Variants in TAGAP observed in about 807,000 individuals in gnomAD.
The protein encoded by TAGAP is T-cell activation Rho GTPase-activating protein.
In TAGAP, 16 loss-of-function variants were observed where a neutral mutation model predicts 36.0. The ratio of observed to expected loss-of-function variants is 0.44; its 90% CI spans 0.30 to 0.68. The LOEUF (loss-of-function observed/expected upper bound fraction) is 0.68. Ranked by LOEUF, TAGAP falls within the 30% of genes least tolerant of loss-of-function variation. TAGAP has a pLI of 0.09. For missense variants in TAGAP, 794 were observed against 921.5 expected (o/e 0.86, Z 1.79); for synonymous variants, 372 against 377.4 (o/e 0.99, Z 0.17).
intron 8 of TAGAP, 36 bp from the exon 9 acceptor site, chr6:159,038,264 A>C: frequency 1.2e-6 from 1 of 825,312 alleles, no homozygotes; most frequent in Admixed American, 2.8e-5. Context: ...CAGCTTGAAG[A>C]CTTTTTTTTT....
rs1453034134 is a variant in TAGAP at position 159,043,987 on chromosome 6, A to G, written c.72T>C (p.Cys24=). The change falls in exon 3 of 10, where the codon TGT becomes TGC. Residue 24 remains cysteine, a synonymous_variant. Transcript: ENST00000367066. ...NANNMETLIE[C]QSEGDIKEHP... ...AAAATTGCTTTCTTACCTCTGATTG[A>G]CATTCGATTAGTGTCTCCATATTAT... is the stretch of plus-strand genomic sequence containing the variant. 4 of 1,613,502 alleles carry G rather than the reference A, an allele frequency of 2.5e-6. No homozygotes were observed. The highest frequency in any genetic ancestry group is 1.3e-5 in the African/African-American group (1 of 74,888).
At chr6:159,043,722 A>G (rs1278729220) in intron 3 of TAGAP, 67 bp from the exon 4 acceptor site, 7 of 1,429,370 alleles carry the variant, frequency 4.9e-6, no homozygotes, top group Non-Finnish European at 6.9e-6. Flanking sequence ...TCCCCACAAA[A>G]CACACATACA....
chr6:159,036,620 G>A lies in TAGAP; in HGVS notation c.1403C>T (p.Ser468Phe), dbSNP rs1175358393. Residue 468 changes from serine to phenylalanine, a missense_variant, in exon 10 of 10, where the codon TCC (serine) becomes TTC (phenylalanine). Physicochemically the swap from Ser to Phe is radical, Grantham distance 155. Transcript: ENST00000367066. The surrounding 1 kb of genome is among the most constrained non-coding windows in gnomAD (Gnocchi z 4.9). The part of the protein sequence containing the change: ...KAFSSSSLDA[S>F]SDSSPVASPS... ...AGAAGCCACGGGCGAGCTGTCAGAG[G>A]ACGCGTCCAGCGAGCTGCTGGAGAA... 6.2e-7 allele frequency: 1 copy of A among 1,614,156 alleles called. No individual in the cohort carries two copies. Among genetic ancestry groups the A allele is most frequent in the Non-Finnish European group, 8.5e-7 (1 of 1,179,986 alleles).
chr6:159,036,382 G>A lies in TAGAP; in HGVS notation c.1641C>T (p.Ser547=). ...CCTGCACGATTCGGCCGGCAAGCTG[G>A]CTTTCCTTTCTGACACCCCTCGGGA... ...DHVPRGVRKE[S]QLAGRIVQEN... The change falls in exon 10 of 10, where the codon AGC becomes AGT. Residue 547 remains serine, a synonymous_variant. Transcript: ENST00000367066. This position sits in a 1 kb window ranked among gnomAD's most constrained non-coding sequence, Gnocchi z 4.9. The A allele has an allele frequency of 6.2e-7, 1 of 1,614,126 alleles. No homozygotes were observed. The highest frequency in any genetic ancestry group is 8.5e-7 in the Non-Finnish European group (1 of 1,180,036).
chr6:159,038,000 T>A lies in TAGAP; in HGVS notation c.898+114A>T, dbSNP rs1487873998. 2 of 700,310 alleles carry A rather than the reference T, an allele frequency of 2.9e-6. No homozygotes were observed. Among genetic ancestry groups the A allele is most frequent in the Non-Finnish European group, 5.0e-6 (2 of 397,344 alleles). The allele number at this position is 700,310 out of a possible 1,614,324, so 43.4% of individuals were successfully genotyped here. On this transcript the variant is annotated intron_variant, in intron 9 of 9. Coordinates refer to ENST00000367066, the MANE Select transcript of TAGAP (RefSeq NM_054114.5). This position sits in a 1 kb window ranked among gnomAD's most constrained non-coding sequence, Gnocchi z 5.1. ...CTAATGGACTGGAGTCTAGTCTGAC[T>A]CGGTGATTTGTGAAGGTAACTTCTG...
chr6:159,041,480 T>A lies in TAGAP; in HGVS notation c.351A>T (p.Ser117=), dbSNP rs1440687266. 3.1e-6 allele frequency: 5 copies of A among 1,614,184 alleles called. No homozygotes were observed. The highest frequency in any genetic ancestry group is 4.2e-6 in the Non-Finnish European group (5 of 1,180,028). ...CTGCTCTCCTGAATATCCCTTCCGTTGAAGGGCCTTTAAGGCATAGAATAG... is the reference window on the plus strand; with the variant it reads ...CTGCTCTCCTGAATATCCCTTCCGTAGAAGGGCCTTTAAGGCATAGAATAG... ...ILTILCLKGP[S]TEGIFRRAAN... is the part of the protein sequence containing the mutation. Residue 117 remains serine, a synonymous_variant, in exon 6 of 10, where the codon TCA becomes TCT. Transcript: ENST00000367066. The surrounding 1 kb of genome is among the most constrained non-coding windows in gnomAD (Gnocchi z 4.1).
chr6:159,039,260 C>A lies in TAGAP; in HGVS notation c.637G>T (p.Val213Phe). 6.2e-7 allele frequency: 1 copy of A among 1,613,978 alleles called. No homozygotes were observed. The highest frequency in any genetic ancestry group is 1.3e-5 in the African/African-American group (1 of 75,018). ...RPNLLLLKHLVYVLHLISKNS... is the reference protein window; with the variant it reads ...RPNLLLLKHLFYVLHLISKNS... ...TTGCTGATGAGGTGCAGCACATAGA[C>A]CAAGTGCTTGAGTAGCAGGAGGTTG... is the stretch of plus-strand genomic sequence containing the variant. Residue 213 changes from valine (V) to phenylalanine (F), a missense_variant, in exon 8 of 10, where the codon GTC becomes TTC. Val to Phe is a conservative substitution (Grantham distance 50). Transcript: ENST00000367066.
At position 159,041,426 on chromosome 6, in the gene TAGAP, C is replaced by T; in HGVS notation, c.405G>A (p.Lys135=). 1 of 1,614,194 alleles carries T rather than the reference C, an allele frequency of 6.2e-7. No individual in the cohort carries two copies. The highest frequency in any genetic ancestry group is 8.5e-7 in the Non-Finnish European group (1 of 1,180,030). The change falls in exon 6 of 10, where the codon AAG becomes AAA. Residue 135 remains lysine, a synonymous_variant. Coordinates refer to ENST00000367066, the MANE Select transcript of TAGAP (RefSeq NM_054114.5). This position sits in a 1 kb window ranked among gnomAD's most constrained non-coding sequence, Gnocchi z 4.1. ...AANEKARKEL[K]EELNSGDAVD... ...CCGCATCCCCAGAGTTGAGCTCCTC[C>T]TTCAGCTCCTTACGGGCTTTCTCGT...
In TAGAP at chr6:159,041,089, CG is replaced by C; in HGVS notation, c.478-258del. On this transcript the variant is annotated intron_variant, in intron 6 of 9. Coordinates refer to ENST00000367066, the MANE Select transcript of TAGAP (RefSeq NM_054114.5). The surrounding 1 kb of genome is among the most constrained non-coding windows in gnomAD (Gnocchi z 4.1). ...GTTCTGAGGGGCCACTGGATTTTGACGTATGGATTCTGCCACGGAACAATCA... is the reference window on the plus strand; with the variant it reads ...GTTCTGAGGGGCCACTGGATTTTGACTATGGATTCTGCCACGGAACAATCA... 1.7e-6 allele frequency: 1 copy of C among 584,754 alleles called. No homozygotes were observed. Among genetic ancestry groups the C allele is most frequent in the Non-Finnish European group, 3.0e-6 (1 of 335,580 alleles). The allele number at this position is 584,754 out of a possible 1,614,324, so 36.2% of individuals were successfully genotyped here.
rs769704785 is a variant in TAGAP, at chr6:159,036,991, G to A, written c.1032C>T (p.Ser344=). Residue 344 remains serine, a synonymous_variant, in exon 10 of 10, where the codon AGC becomes AGT. Coordinates refer to ENST00000367066, the MANE Select transcript of TAGAP (RefSeq NM_054114.5). The surrounding 1 kb of genome is among the most constrained non-coding windows in gnomAD (Gnocchi z 4.9). ...CCTCTCGGGCATCCTGTGGGCCCGCGCTATCCAAGCCAGCAGCTGTGGCCA... is the reference window on the plus strand; with the variant it reads ...CCTCTCGGGCATCCTGTGGGCCCGCACTATCCAAGCCAGCAGCTGTGGCCA... ...VPMATAAGLD[S]AGPQDAREVS... is the part of the protein sequence containing the mutation. The A allele has an allele frequency of 8.9e-5, 143 of 1,613,710 alleles. No homozygotes were observed. In the Admixed American group the frequency reaches 2.1e-3, roughly 23 times the overall value.
At position 159,036,037 on chromosome 6, in the gene TAGAP, G is replaced by T. The variant is rs2114780863; in HGVS notation, c.1986C>A (p.Pro662=). Reference sequence around the variant, plus strand: ...TGCTCTGTTTCCATCGCTCAGGCAGGGGAGAGAGTCCGTGGCCAGGGAGTG... The same window carrying T: ...TGCTCTGTTTCCATCGCTCAGGCAGTGGAGAGAGTCCGTGGCCAGGGAGTG... ...KEPLPGHGLS[P]LPERWKQSRT... The change falls in exon 10 of 10, where the codon CCC becomes CCA. Residue 662 remains proline, a synonymous_variant. Transcript: ENST00000367066. This position sits in a 1 kb window ranked among gnomAD's most constrained non-coding sequence, Gnocchi z 4.9. The T allele has an allele frequency of 1.2e-6, 2 of 1,611,912 alleles. No individual in the cohort carries two copies. The highest frequency in any genetic ancestry group is 1.7e-6 in the Non-Finnish European group (2 of 1,178,198).
chr6:159,036,380 T>G lies in TAGAP; in HGVS notation c.1643A>C (p.Gln548Pro). The change falls in exon 10 of 10, where the codon CAG becomes CCG. Residue 548 changes from glutamine (Q) to proline (P), a missense_variant. Gln to Pro is a moderately conservative substitution (Grantham distance 76). Coordinates refer to ENST00000367066, the MANE Select transcript of TAGAP (RefSeq NM_054114.5). The surrounding 1 kb of genome is among the most constrained non-coding windows in gnomAD (Gnocchi z 4.9). ...HVPRGVRKES[Q>P]LAGRIVQENG... ...TTCCTGCACGATTCGGCCGGCAAGC[T>G]GGCTTTCCTTTCTGACACCCCTCGG... 1 of 1,614,158 alleles carries G rather than the reference T, an allele frequency of 6.2e-7. No individual in the cohort carries two copies. Among genetic ancestry groups the G allele is most frequent in the East Asian group, 2.2e-5 (1 of 44,876 alleles).
chr6:159,041,912 G>C lies in TAGAP; in HGVS notation c.315+166C>G. 1.3e-6 allele frequency: 1 copy of C among 756,292 alleles called. No individual in the cohort carries two copies. 46.8% of individuals were successfully genotyped at this position (756,292 alleles called of 1,614,324 possible). A position where few individuals can be genotyped will look rare whatever the true frequency, so the allele number is the denominator to read the frequency against. On this transcript the variant is annotated intron_variant, in intron 5 of 9. Coordinates refer to ENST00000367066, the MANE Select transcript of TAGAP (RefSeq NM_054114.5). This position sits in a 1 kb window ranked among gnomAD's most constrained non-coding sequence, Gnocchi z 4.1. ...TCAATTTCTGGAATGGAAGCAGTCA[G>C]ATATTCTTCTGACTGCACGCGTATG... is the stretch of plus-strand genomic sequence containing the variant.
At chr6:159,044,462 T>G (rs2114803763) in intron 1 of TAGAP, among the ~76,000 whole-genome samples, 1 of 152,344 alleles carries the variant, frequency 6.6e-6, no homozygotes, top group South Asian at 2.1e-4. Context: ...CAACTATCTT[T>G]ACCACTCTAA....
At chr6:159,043,469 C>G in intron 4 of TAGAP, 120 bp downstream of exon 4, 1 of 888,662 alleles carries the variant, frequency 1.1e-6, no homozygotes, top group Non-Finnish European at 1.9e-6. Flanking sequence ...GTTCTGCGGT[C>G]TTTAACAGAA....
At position 159,044,134 on chromosome 6, in the gene TAGAP, T is replaced by G; in HGVS notation, c.13A>C (p.Ser5Arg). ...GGGGCACTCACAGCATTGTGGCTGC[T>G]TCTCAGCTTCATCAGTATTGCGGCT... MKLRSSHNASKTLNA... is the reference protein window; with the variant it reads MKLRRSHNASKTLNA... The change falls in exon 2 of 10, where the codon AGC becomes CGC. Residue 5 changes from serine to arginine, a missense_variant. Physicochemically the swap from Ser to Arg is moderately radical, Grantham distance 110 (BLOSUM62 -1). Transcript: ENST00000367066. 1 of 1,613,826 alleles carries G rather than the reference T, an allele frequency of 6.2e-7. No homozygotes were observed. The highest frequency in any genetic ancestry group is 1.3e-5 in the African/African-American group (1 of 75,034).
In TAGAP at chr6:159,036,698, A is replaced by T; in HGVS notation, c.1325T>A (p.Ile442Asn). 2 of 1,614,110 alleles carry T rather than the reference A, an allele frequency of 1.2e-6. No individual in the cohort carries two copies. The highest frequency in any genetic ancestry group is 1.6e-4 in the Middle Eastern group (1 of 6,062). ...CACCGAACCCGGGGCCAAGTTCTTG[A>T]TCTTCAGGTCCACCGGCCTCTTGGT... ...GKTKRPVDLK[I>N]KNLAPGSVLP... is the part of the protein sequence containing the mutation. Residue 442 changes from isoleucine to asparagine, a missense_variant, in exon 10 of 10, where the codon ATC (isoleucine) becomes AAC (asparagine). By Grantham distance (149) the Ile-to-Asn change is moderately radical. Coordinates refer to ENST00000367066, the MANE Select transcript of TAGAP (RefSeq NM_054114.5). The surrounding 1 kb of genome is among the most constrained non-coding windows in gnomAD (Gnocchi z 4.9).
chr6:159,042,014 T>G, intron 5 of TAGAP, 64 bp downstream of exon 5: 1 of 1,527,658 alleles, frequency 6.5e-7, no homozygotes. Flanking sequence ...ACATTCAGAT[T>G]TCCCGAGTAT....
Position 159,041,149 on chromosome 6 carries a change from A to C in TAGAP, c.477+205T>G. The C allele has an allele frequency of 4.4e-6, 3 of 684,312 alleles. No individual in the cohort carries two copies. Among genetic ancestry groups the C allele is most frequent in the Non-Finnish European group, 7.2e-6 (3 of 416,934 alleles). The allele number at this position is 684,312 out of a possible 1,614,324, so 42.4% of individuals were successfully genotyped here. On this transcript the variant is annotated intron_variant, in intron 6 of 9. Transcript: ENST00000367066. This position sits in a 1 kb window ranked among gnomAD's most constrained non-coding sequence, Gnocchi z 4.1. ...GTACTTGGCAAAGTTTTGGGAGAGC[A>C]GAATGCATCACTTTCTGTTGGAATC...
Sources: gnomAD v4.1 joint callset for allele counts (sites outside exome capture counted in the v4.1 genomes callset) on GRCh38, gnomAD v4.1.1 for gene constraint, Gnocchi (gnomAD v3.1) non-coding constraint, MANE v1.5 for transcripts, NCBI Gene and HGNC (gene_info 2026-07-23, HGNC 2026-07-21) for gene names.